EDIL3: variants seen among roughly 807,000 people sequenced by gnomAD.
The protein encoded by EDIL3 is EGF like and discoidin domains 3, also known as EGF-like repeat and discoidin I-like domain-containing protein 3.
In EDIL3, 37 loss-of-function variants were observed where a neutral mutation model predicts 67.4. That is an observed-to-expected ratio of 0.55 (90% CI 0.42 to 0.72). The LOEUF (loss-of-function observed/expected upper bound fraction) is 0.72, where lower values mean the gene tolerates loss of function less well. EDIL3 is among the 30% of genes least tolerant of loss of function. The pLI is 0.00. For missense variants in EDIL3, 527 were observed against 586.3 expected (o/e 0.90, Z 1.04); for synonymous variants, 195 against 196.3 (o/e 0.99, Z 0.05).
intron 2 of EDIL3, among the ~76,000 whole-genome samples, chr5:84,246,203 C>T (rs1344491574): frequency 6.6e-6 from 1 of 152,224 alleles, no homozygotes; most frequent in Non-Finnish European, 1.5e-5. Flanking sequence ...TGCATCCGCA[C>T]ATTTGTAAAA....
intron 10 of EDIL3, among the ~76,000 whole-genome samples, chr5:83,950,148 G>C (rs1744393568): frequency 6.6e-6 from 1 of 151,804 alleles, no homozygotes; most frequent in South Asian, 2.1e-4. Flanking sequence ...CTCATTCCTG[G>C]ACTCTCCTGG....
At chr5:84,160,796 TTTCC>T (rs1561449398) in intron 4 of EDIL3, among the ~76,000 whole-genome samples, 2 of 79,710 alleles carry the variant, frequency 2.5e-5, no homozygotes, top group Admixed American at 1.6e-4. Flanking sequence ...TTTCCTTTCC[TTTCC>T]TTTCCTTTCC....
chr5:84,101,017 C>G (rs1178275978), intron 6 of EDIL3, among the ~76,000 whole-genome samples: 2 of 151,944 alleles, frequency 1.3e-5, no homozygotes, highest in African/African-American at 2.4e-5. Context: ...ACCTACAACA[C>G]CAATAGTTTT....
chr5:84,161,454 C>T (rs1451864104), intron 4 of EDIL3, among the ~76,000 whole-genome samples: 1 of 151,882 alleles, frequency 6.6e-6, no homozygotes, highest in Non-Finnish European at 1.5e-5. Flanking sequence ...TGGGGTTTCT[C>T]ATTAAAAAAA....
At chr5:84,381,022 G>C (rs144033251) in intron 1 of EDIL3, among the ~76,000 whole-genome samples, 2,251 of 152,098 alleles carry the variant, frequency 0.015, 50 homozygotes, top group African/African-American at 0.051. Context: ...TTATGACATA[G>C]TTTTAATTTA....
rs145833861 is a variant in EDIL3, at chr5:84,127,546, G to A, written c.469+9695C>T. ...AGCATCTGCTCATTCTGGAACACTT[G>A]CAATCTGGCATTCTTCTCTACAGAC... On this transcript the variant is annotated intron_variant, in intron 5 of 10. Transcript: ENST00000296591. Among the ~76,000 whole-genome samples the A allele has an allele frequency of 2.0e-5, 3 of 152,116 alleles. No individual in the cohort carries two copies. In the East Asian group the frequency reaches 5.8e-4, roughly 30 times the overall value.
intron 9 of EDIL3, among the ~76,000 whole-genome samples, chr5:83,964,564 G>C (rs1269093735): frequency 6.6e-6 from 1 of 152,016 alleles, no homozygotes; most frequent in African/African-American, 2.4e-5. Flanking sequence ...AATGAGAAGA[G>C]AGAGCTAGAG....
chr5:84,068,708 T>C (rs984353721), intron 6 of EDIL3, among the ~76,000 whole-genome samples: 8 of 152,110 alleles, frequency 5.3e-5, no homozygotes, highest in Non-Finnish European at 1.2e-4. Flanking sequence ...AATGAAAAAA[T>C]TTATAAAAAT....
At chr5:84,138,194 C>A (rs1332092858) in intron 4 of EDIL3, among the ~76,000 whole-genome samples, 2 of 152,242 alleles carry the variant, frequency 1.3e-5, no homozygotes, top group Non-Finnish European at 2.9e-5. Flanking sequence ...ACACACCACT[C>A]CCCATCTCTT....
At position 84,251,203 on chromosome 5, in the gene EDIL3, C is replaced by T. The variant is rs182245118; in HGVS notation, c.196+2881G>A. 4.1e-3 allele frequency among the ~76,000 whole-genome samples: 629 copies of T among 152,254 alleles called. 9 individuals carry two copies. Among genetic ancestry groups the T allele is most frequent in the African/African-American group, 0.015 (604 of 41,528 alleles). On this transcript the variant is annotated intron_variant, in intron 2 of 10. Transcript: ENST00000296591. ...TCTCAGCTCATTGCAACCTCTGCCTCCTGGGTTCAAGTGATTCTCCTGCCT... is the reference window on the plus strand; with the variant it reads ...TCTCAGCTCATTGCAACCTCTGCCTTCTGGGTTCAAGTGATTCTCCTGCCT...
chr5:84,306,178 G>A (rs577005693), intron 1 of EDIL3, among the ~76,000 whole-genome samples: 2 of 152,182 alleles, frequency 1.3e-5, no homozygotes, highest in South Asian at 4.1e-4. Context: ...TTTCACTGTT[G>A]GTGGAGAAGT....
At chr5:84,326,357 A>G (rs1746756246) in intron 1 of EDIL3, among the ~76,000 whole-genome samples, 1 of 152,106 alleles carries the variant, frequency 6.6e-6, no homozygotes, top group Admixed American at 6.6e-5. Context: ...GACAGAAAGT[A>G]GAATTATAAT....
intron 6 of EDIL3, among the ~76,000 whole-genome samples, chr5:84,086,259 C>T (rs1271051903): frequency 6.6e-6 from 1 of 152,198 alleles, no homozygotes; most frequent in Non-Finnish European, 1.5e-5. Context: ...AACAGCCGCT[C>T]AGTTGTGTGC....
At chr5:84,078,948 T>A (rs190333317) in intron 6 of EDIL3, 12 of 152,078 alleles carry the variant, frequency 7.9e-5, no homozygotes, top group Non-Finnish European at 1.8e-4. Flanking sequence ...AATCAGGTGA[T>A]TGGAGGGTTG....
At chr5:84,238,667 T>TC (rs1554037703) in intron 2 of EDIL3, among the ~76,000 whole-genome samples, 1 of 90,210 alleles carries the variant, frequency 1.1e-5, no homozygotes, top group Non-Finnish European at 2.6e-5. Context: ...AATTAAATGT[T>TC]TTTTTTTTTT....
intron 1 of EDIL3, among the ~76,000 whole-genome samples, chr5:84,281,791 A>G (rs1745707751): frequency 6.6e-6 from 1 of 151,736 alleles, no homozygotes; most frequent in Non-Finnish European, 1.5e-5. Context: ...GAAGAATAGT[A>G]TAATGAACAC....
chr5:84,279,832 T>G (rs1745661568), intron 1 of EDIL3, among the ~76,000 whole-genome samples: 1 of 152,102 alleles, frequency 6.6e-6, no homozygotes, highest in African/African-American at 2.4e-5. Flanking sequence ...TGCTGCACAT[T>G]CTCTCCAGAC....
intron 1 of EDIL3, among the ~76,000 whole-genome samples, chr5:84,358,309 C>A (rs1050722851): frequency 3.3e-5 from 5 of 152,140 alleles, no homozygotes; most frequent in Non-Finnish European, 7.3e-5. Context: ...TTGTAAATAA[C>A]TAAATCCAGG....
intron 9 of EDIL3, among the ~76,000 whole-genome samples, chr5:84,043,354 T>C (rs1387318365): frequency 6.6e-6 from 1 of 152,210 alleles, no homozygotes; most frequent in African/African-American, 2.4e-5. Flanking sequence ...TTGATAACAA[T>C]GCTTTGGATT....
Sources: gnomAD v4.1 joint callset for allele counts (sites outside exome capture counted in the v4.1 genomes callset) on GRCh38, gnomAD v4.1.1 for gene constraint, MANE v1.5 for transcripts, NCBI Gene and HGNC (gene_info 2026-07-23, HGNC 2026-07-21) for gene names.